VCAN: variants seen among roughly 807,000 people sequenced by gnomAD.
The protein encoded by VCAN is versican.
In VCAN, 44 loss-of-function variants were observed where a neutral mutation model predicts 245.5. That is an observed-to-expected ratio of 0.18 (90% CI 0.14 to 0.23). The LOEUF is 0.23. Among genes scored for constraint, VCAN ranks in the 10% least tolerant of loss-of-function variants. The probability of loss-of-function intolerance (pLI) is 1.00; values close to 1 mark genes in which losing one functional copy is unlikely to be tolerated. For missense variants in VCAN, 3,793 were observed against 4,057.9 expected (o/e 0.93, Z 1.77); for synonymous variants, 1,413 against 1,437.0 (o/e 0.98, Z 0.38).
At chr5:83,482,014 A>G (rs1309591963) in intron 1 of VCAN, among the ~76,000 whole-genome samples, 1 of 152,196 alleles carries the variant, frequency 6.6e-6, no homozygotes, top group Non-Finnish European at 1.5e-5. Context: ...ACCAGTTAGG[A>G]TGCTTTCAAC....
Position 83,541,432 on chromosome 5 carries a change from C to A in VCAN, c.8429C>A (p.Thr2810Lys). The change falls in exon 8 of 15, where the codon ACA (threonine) becomes AAA (lysine). Residue 2810 changes from threonine (T) to lysine (K), a missense_variant. By Grantham distance (78) the Thr-to-Lys change is moderately conservative (BLOSUM62 -1). This residue lies in a region of VCAN where 3,182 missense variants were observed against 3,250.3 expected (regional missense o/e 0.98). Transcript: ENST00000265077. ...EGSNPPYYTD[T>K]TLAVSTFAKL... ...TCCAATCCCCCATATTACACTGATA[C>A]AACATTAGCAGTTTCAACATTTGCG... 3.1e-6 allele frequency: 5 copies of A among 1,614,042 alleles called. No individual in the cohort carries two copies. The highest frequency in any genetic ancestry group is 4.2e-6 in the Non-Finnish European group (5 of 1,179,996).
intron 10 of VCAN, 81 bp from the exon 11 acceptor site, chr5:83,553,283 T>A: frequency 6.4e-7 from 1 of 1,563,820 alleles, no homozygotes; most frequent in Non-Finnish European, 8.7e-7. Flanking sequence ...CTGGCTTGGG[T>A]ATCCTACTAA....
rs1240008104 is a variant in VCAN at position 83,581,462 on chromosome 5, G to A, written c.*1028G>A. On this transcript the variant is annotated 3_prime_UTR_variant, in exon 15 of 15. Transcript: ENST00000265077. ...GTAAGCCATACTGATTTAATTTATT[G>A]GATGTTATTTTCCCTAAGACCTGAA... 4 of 151,884 alleles carry A rather than the reference G, an allele frequency of 2.6e-5. No homozygotes were observed. Among genetic ancestry groups the A allele is most frequent in the African/African-American group, 9.7e-5 (4 of 41,326 alleles). 9.4% of individuals were successfully genotyped at this position (151,884 alleles called of 1,614,324 possible). A position where few individuals can be genotyped will look rare whatever the true frequency, so the allele number is the denominator to read the frequency against.
intron 5 of VCAN, among the ~76,000 whole-genome samples, chr5:83,506,157 C>T (rs1323767904): frequency 6.6e-6 from 1 of 152,174 alleles, no homozygotes; most frequent in African/African-American, 2.4e-5. Context: ...TGGGGATTAA[C>T]GTTAGGCTCC....
intron 5 of VCAN, among the ~76,000 whole-genome samples, chr5:83,502,181 T>C (rs1580611348): frequency 6.6e-6 from 1 of 152,178 alleles, no homozygotes; most frequent in East Asian, 1.9e-4. Flanking sequence ...AATTGTTTTT[T>C]AGTGGATTCC....
At chr5:83,500,215 G>A (rs979564771) in intron 5 of VCAN, among the ~76,000 whole-genome samples, 13 of 152,134 alleles carry the variant, frequency 8.5e-5, no homozygotes, top group African/African-American at 2.4e-4. Context: ...TGATTCCGCC[G>A]ATGGTTAAAG....
At chr5:83,544,591 A>C (rs888150531) in intron 8 of VCAN, among the ~76,000 whole-genome samples, 4 of 152,276 alleles carry the variant, frequency 2.6e-5, no homozygotes, top group East Asian at 1.9e-4. Flanking sequence ...ATTTTATTTC[A>C]ATTATTTTGT....
chr5:83,513,765 C>T lies in VCAN; in HGVS notation c.1042+1369C>T, dbSNP rs532505805. ...ATTCCTTTAAGCTACATTGTCACAA[C>T]AATGATTTTTCAAGTACTTCAGGCT... On this transcript the variant is annotated intron_variant, in intron 6 of 14. Transcript: ENST00000265077. Among the ~76,000 whole-genome samples the T allele has an allele frequency of 5.9e-5, 9 of 152,170 alleles. No individual in the cohort carries two copies. The South Asian group carries it at 1.9e-3, about 31-fold the overall frequency.
intron 7 of VCAN, among the ~76,000 whole-genome samples, chr5:83,533,260 T>C (rs1270368736): frequency 1.3e-5 from 2 of 152,134 alleles, no homozygotes; most frequent in African/African-American, 4.8e-5. Context: ...TCAGATCAAA[T>C]AGTTGCGAGG....
At chr5:83,558,353 T>G (rs1483424855) in intron 12 of VCAN, among the ~76,000 whole-genome samples, 1 of 152,182 alleles carries the variant, frequency 6.6e-6, no homozygotes, top group Non-Finnish European at 1.5e-5. Flanking sequence ...GGTGTTAACT[T>G]GACTGTGTGC....
At position 83,512,103 on chromosome 5, in the gene VCAN, G is replaced by A. The variant is rs1470666356; in HGVS notation, c.749G>A (p.Gly250Asp). 13 of 1,613,620 alleles carry A rather than the reference G, an allele frequency of 8.1e-6. No individual in the cohort carries two copies. Among genetic ancestry groups the A allele is most frequent in the African/African-American group, 1.3e-5 (1 of 74,818 alleles). The change falls in exon 6 of 15, where the codon GGT (glycine) becomes GAT (aspartate). Residue 250 changes from glycine to aspartate, a missense_variant and splice_region_variant. Gly to Asp is a moderately conservative substitution (Grantham distance 94). Coordinates refer to ENST00000265077, the MANE Select transcript of VCAN (RefSeq NM_004385.5). ...DVYCYVDHLDGDVFHLTVPSK... is the reference protein window; with the variant it reads ...DVYCYVDHLDDDVFHLTVPSK... ...TTTTTTTCCCTTCTTTTTTTTCCAG[G>A]TGATGTGTTCCACCTCACTGTCCCC...
intron 3 of VCAN, among the ~76,000 whole-genome samples, chr5:83,491,338 C>T (rs575527388): frequency 6.6e-6 from 1 of 152,242 alleles, no homozygotes; most frequent in South Asian, 2.1e-4. Flanking sequence ...AAAATATTTA[C>T]CTTTCAGAAA....
At chr5:83,528,629 A>G (rs1381649205) in intron 7 of VCAN, among the ~76,000 whole-genome samples, 1 of 152,138 alleles carries the variant, frequency 6.6e-6, no homozygotes, top group Non-Finnish European at 1.5e-5. Flanking sequence ...TGGGTTAAGT[A>G]CATTTACCTT....
At chr5:83,556,108 A>G (rs896269689) in intron 12 of VCAN, among the ~76,000 whole-genome samples, 1 of 152,210 alleles carries the variant, frequency 6.6e-6, no homozygotes, top group African/African-American at 2.4e-5. Context: ...TCATGGACAC[A>G]CTACTCACTT....
intron 12 of VCAN, among the ~76,000 whole-genome samples, chr5:83,571,927 C>A (rs1748303706): frequency 6.6e-6 from 1 of 151,966 alleles, no homozygotes; most frequent in Non-Finnish European, 1.5e-5. Flanking sequence ...AAAGCAATTA[C>A]AATAAATGAG....
intron 5 of VCAN, among the ~76,000 whole-genome samples, chr5:83,504,574 G>T (rs571264690): frequency 3.3e-5 from 5 of 152,030 alleles, no homozygotes; most frequent in African/African-American, 1.2e-4. Flanking sequence ...TAAACATGGG[G>T]TTTCACCATG....
Position 83,521,965 on chromosome 5 carries a change from C to T in VCAN, c.3659C>T (p.Thr1220Ile). 6.2e-7 allele frequency: 1 copy of T among 1,614,200 alleles called. No homozygotes were observed. The change falls in exon 7 of 15, where the codon ACT becomes ATT. Residue 1220 changes from threonine (T) to isoleucine (I), a missense_variant. By Grantham distance (89) the Thr-to-Ile change is moderately conservative. Around this residue, in one of 5 missense-constraint regions of VCAN, gnomAD observed 3,182 missense variants for 3,250.3 expected, o/e 0.98. Transcript: ENST00000265077. ...AFSSVDRLHT[T>I]SAFKPSSAIT... ...AGTTCAGTAGACAGACTTCACACAA[C>T]TTCAGCATTCAAGCCATCTTCCGCG...
chr5:83,580,306 G>A lies in VCAN; in HGVS notation c.10064-1G>A. The stretch of plus-strand genomic sequence containing the variant: ...TTTTTTCTTTCTTTCCTTCCATGTA[G>A]CATCTGCATACCAAAGGACTTATTC... On this transcript the variant is annotated splice_acceptor_variant, in intron 14 of 14. Transcript: ENST00000265077. LOFTEE classifies it high-confidence loss of function. 6.2e-7 allele frequency: 1 copy of A among 1,613,766 alleles called. No homozygotes were observed. Among genetic ancestry groups the A allele is most frequent in the Non-Finnish European group, 8.5e-7 (1 of 1,179,948 alleles).
chr5:83,493,448 G>A (rs1745047072), intron 3 of VCAN, 98 bp from the exon 4 acceptor site: 4 of 1,410,174 alleles, frequency 2.8e-6, no homozygotes, highest in Non-Finnish European at 4.0e-6. Context: ...TTATTACTAT[G>A]TATCCAACTA....
Sources: gnomAD v4.1 joint callset for allele counts (sites outside exome capture counted in the v4.1 genomes callset) on GRCh38, gnomAD v4.1.1 for gene constraint, gnomAD v4.1.1 regional missense constraint, MANE v1.5 for transcripts, NCBI Gene and HGNC (gene_info 2026-07-23, HGNC 2026-07-21) for gene names.